Variants in PLPP4 observed in about 807,000 individuals in gnomAD.
PLPP4 encodes phospholipid phosphatase 4, also known as diacylglycerol pyrophosphate like 2.
PLPP4 carries 20 observed loss-of-function variants against 32.2 expected under a neutral mutation model. The observed-to-expected ratio is 0.62, with a 90% CI of 0.44 to 0.90. The LOEUF is 0.90. Ranked by LOEUF, PLPP4 falls within the 40% of genes least tolerant of loss-of-function variation. The pLI, the probability that PLPP4 is intolerant of heterozygous loss-of-function variation, is 0.00. For synonymous variants in PLPP4, 127 were observed against 133.0 expected, an observed-to-expected ratio of 0.95 and a Z score of 0.31; for missense variants, 257 against 353.1, an observed-to-expected ratio of 0.73 and a Z score of 2.18.
chr10:120,500,538 C>T (rs1453737541), intron 1 of PLPP4, among the ~76,000 whole-genome samples: 3 of 152,206 alleles, frequency 2.0e-5, no homozygotes, highest in East Asian at 3.9e-4. Flanking sequence ...AGATGACACC[C>T]CACAACTTCT....
intron 4 of PLPP4, among the ~76,000 whole-genome samples, chr10:120,520,056 T>G (rs1442592043): frequency 6.6e-6 from 1 of 152,220 alleles, no homozygotes; most frequent in Non-Finnish European, 1.5e-5. Flanking sequence ...CTCCAGGCTC[T>G]GCCTCAGGGT....
At chr10:120,494,056 C>A (rs922414895) in intron 1 of PLPP4, among the ~76,000 whole-genome samples, 3 of 152,066 alleles carry the variant, frequency 2.0e-5, no homozygotes, top group Non-Finnish European at 4.4e-5. Context: ...CTGGTCATAT[C>A]AATAAGAAAT....
intron 1 of PLPP4, among the ~76,000 whole-genome samples, chr10:120,496,786 A>C (rs1318742535): frequency 6.6e-6 from 1 of 152,138 alleles, no homozygotes; most frequent in Non-Finnish European, 1.5e-5. Flanking sequence ...TTTCTATATA[A>C]CAAGACACAT....
chr10:120,591,416 T>C lies in PLPP4; in HGVS notation c.*1914T>C, dbSNP rs1023646242. Among the ~76,000 whole-genome samples the C allele has an allele frequency of 2.6e-5, 4 of 152,218 alleles. No individual in the cohort carries two copies. The highest frequency in any genetic ancestry group is 1.9e-4 in the East Asian group (1 of 5,200). ...TTTTTTAAAAATTATAGCAGTTACATTGGCAAGCAACTTTGAAGATGAATG... is the reference window on the plus strand; with the variant it reads ...TTTTTTAAAAATTATAGCAGTTACACTGGCAAGCAACTTTGAAGATGAATG... On this transcript the variant is annotated 3_prime_UTR_variant, in exon 7 of 7. Coordinates refer to ENST00000398250, the MANE Select transcript of PLPP4 (RefSeq NM_001030059.3).
At chr10:120,561,486 A>C (rs567170627) in intron 5 of PLPP4, among the ~76,000 whole-genome samples, 1 of 152,276 alleles carries the variant, frequency 6.6e-6, no homozygotes, top group Admixed American at 6.5e-5. Context: ...CTGTTTGCTT[A>C]TTCCTATACC....
Position 120,585,828 on chromosome 10 carries a change from CTTCTTCA to C in PLPP4, c.617-3469_617-3463del, listed in dbSNP as rs556434341. On this transcript the variant is annotated intron_variant, in intron 6 of 6. Transcript: ENST00000398250. ...GGGAATGGATCTGCTGCCTCCTTTT[CTTCTTCA>C]TTCTTGGGAATGCCTCTTGCTTTCC... 2.4e-3 allele frequency among the ~76,000 whole-genome samples: 368 copies of C among 152,278 alleles called. 2 individuals are homozygous for C. Among genetic ancestry groups the C allele is most frequent in the African/African-American group, 7.9e-3 (328 of 41,560 alleles).
At chr10:120,547,208 T>C (rs1847666643) in intron 5 of PLPP4, among the ~76,000 whole-genome samples, 1 of 152,090 alleles carries the variant, frequency 6.6e-6, no homozygotes, top group Non-Finnish European at 1.5e-5. Context: ...AATGTTTAGT[T>C]AAACCCTAAT....
chr10:120,531,854 G>A (rs1182599124), intron 5 of PLPP4, among the ~76,000 whole-genome samples: 1 of 146,846 alleles, frequency 6.8e-6, no homozygotes, highest in East Asian at 2.0e-4. Flanking sequence ...ATATATGTGT[G>A]TACACACACT....
intron 1 of PLPP4, among the ~76,000 whole-genome samples, chr10:120,495,673 T>A (rs1057337602): frequency 7.9e-5 from 12 of 152,200 alleles, no homozygotes; most frequent in African/African-American, 2.9e-4. Context: ...GAAAGTGACT[T>A]TCTGGGCCAT....
intron 3 of PLPP4, among the ~76,000 whole-genome samples, chr10:120,514,466 A>G (rs1365303570): frequency 1.3e-5 from 2 of 152,222 alleles, no homozygotes; most frequent in African/African-American, 4.8e-5. Context: ...TAAAATAGAT[A>G]TTACAAACAA....
chr10:120,546,486 C>A (rs959333663), intron 5 of PLPP4, among the ~76,000 whole-genome samples: 1 of 152,172 alleles, frequency 6.6e-6, no homozygotes, highest in African/African-American at 2.4e-5. Flanking sequence ...GAATTCTAAC[C>A]TGGAGATTTT....
chr10:120,483,339 G>A (rs934358322), intron 1 of PLPP4, among the ~76,000 whole-genome samples: 5 of 152,188 alleles, frequency 3.3e-5, no homozygotes, highest in Non-Finnish European at 7.3e-5. Flanking sequence ...GTATGAGTCA[G>A]TTCTCCTGAA....
intron 5 of PLPP4, among the ~76,000 whole-genome samples, chr10:120,572,604 T>G (rs889779612): frequency 6.6e-6 from 1 of 152,228 alleles, no homozygotes; most frequent in African/African-American, 2.4e-5. Flanking sequence ...GCAGTTTTTT[T>G]TGTGTTTCCC....
intron 1 of PLPP4, among the ~76,000 whole-genome samples, chr10:120,480,037 T>C (rs147463259): frequency 1.3e-5 from 2 of 152,346 alleles, no homozygotes; most frequent in South Asian, 2.1e-4. Flanking sequence ...CTTGTTAAAA[T>C]TGTATGTAAA....
chr10:120,481,670 C>A (rs140917783), intron 1 of PLPP4, among the ~76,000 whole-genome samples: 1 of 152,104 alleles, frequency 6.6e-6, no homozygotes, highest in Admixed American at 6.5e-5. Context: ...GAAACAAAGA[C>A]CATGATCAAA....
In PLPP4 at chr10:120,481,283, T is replaced by C. The variant is rs115368998; in HGVS notation, c.57-22535T>C. ...CTAACCAGAATACAAAAGGATGTGG[T>C]GAGGACTGTACCATGTGCAGGCTGT... is the stretch of plus-strand genomic sequence containing the variant. On this transcript the variant is annotated intron_variant, in intron 1 of 6. Coordinates refer to ENST00000398250, the MANE Select transcript of PLPP4 (RefSeq NM_001030059.3). Among the ~76,000 whole-genome samples the C allele has an allele frequency of 7.2e-3, 1,101 of 152,168 alleles. 22 individuals carry two copies. The highest frequency in any genetic ancestry group is 0.025 in the African/African-American group (1,032 of 41,494).
At chr10:120,472,717 A>G (rs977880220) in intron 1 of PLPP4, among the ~76,000 whole-genome samples, 1 of 152,060 alleles carries the variant, frequency 6.6e-6, no homozygotes, top group Non-Finnish European at 1.5e-5. Context: ...TCAGGTACAT[A>G]TACATATATA....
At chr10:120,560,497 G>A (rs1181236484) in intron 5 of PLPP4, among the ~76,000 whole-genome samples, 1 of 152,216 alleles carries the variant, frequency 6.6e-6, no homozygotes, top group Non-Finnish European at 1.5e-5. Flanking sequence ...GCTCACGCCT[G>A]TAATCCCAGC....
chr10:120,564,071 C>T (rs1848573154), intron 5 of PLPP4, among the ~76,000 whole-genome samples: 1 of 151,876 alleles, frequency 6.6e-6, no homozygotes, highest in Non-Finnish European at 1.5e-5. Flanking sequence ...AAATGCAGTG[C>T]AATAATGCTC....
Sources: gnomAD v4.1 joint callset for allele counts (sites outside exome capture counted in the v4.1 genomes callset) on GRCh38, gnomAD v4.1.1 for gene constraint, MANE v1.5 for transcripts, NCBI Gene and HGNC (gene_info 2026-07-23, HGNC 2026-07-21) for gene names.